Variants in PKNOX1 observed in about 807,000 individuals in gnomAD.
PKNOX1 encodes PBX/knotted 1 homeobox 1.
A neutral mutation model predicts 51.9 loss-of-function variants in PKNOX1; 15 were observed. The ratio of observed to expected loss-of-function variants is 0.29; its 90% CI spans 0.19 to 0.45. The LOEUF is 0.45. Ranked by LOEUF, PKNOX1 falls within the 20% of genes least tolerant of loss-of-function variation. The probability of loss-of-function intolerance (pLI) is 1.00; values close to 1 mark genes in which losing one functional copy is unlikely to be tolerated. For missense variants in PKNOX1, 462 were observed against 547.5 expected, an observed-to-expected ratio of 0.84 and a Z score of 1.56; for synonymous variants, 219 against 211.1, an observed-to-expected ratio of 1.04 and a Z score of -0.32.
intron 1 of PKNOX1, among the ~76,000 whole-genome samples, chr21:42,993,659 GT>G (rs1396808385): frequency 4.0e-4 from 5 of 12,572 alleles, no homozygotes; most frequent in South Asian, 3.3e-3. Context: ...TGTTTTTTTT[GT>G]TTTTTTTTTT....
intron 5 of PKNOX1, among the ~76,000 whole-genome samples, chr21:43,014,551 T>C (rs1979402951): frequency 6.6e-6 from 1 of 152,214 alleles, no homozygotes; most frequent in South Asian, 2.1e-4. Flanking sequence ...ATCATTCTTT[T>C]GGTGTCAAGT....
intron 1 of PKNOX1, among the ~76,000 whole-genome samples, chr21:42,994,031 C>CT (rs34173115): frequency 3.8e-4 from 35 of 93,260 alleles, no homozygotes; most frequent in East Asian, 1.9e-3. Flanking sequence ...CGCGCCCAGC[C>CT]TTTTTTTTTT....
intron 1 of PKNOX1, among the ~76,000 whole-genome samples, chr21:42,995,161 G>A (rs9974918): frequency 0.91 from 137,814 of 151,952 alleles, 62,648 homozygotes; most frequent in African/African-American, 0.94. Flanking sequence ...ACCTCAGGTA[G>A]TCCACCTGCC....
chr21:43,024,424 A>G (rs1979900972), intron 8 of PKNOX1: 1 of 153,780 alleles, frequency 6.5e-6, no homozygotes, highest in African/African-American at 2.4e-5. Context: ...GGTAATTGAA[A>G]TGTGCTGTGT....
At chr21:42,986,419 T>A (rs1327514432) in intron 1 of PKNOX1, among the ~76,000 whole-genome samples, 1 of 152,140 alleles carries the variant, frequency 6.6e-6, no homozygotes, top group Non-Finnish European at 1.5e-5. Flanking sequence ...GAGAATCCCT[T>A]GAACCTGGGT....
intron 1 of PKNOX1, among the ~76,000 whole-genome samples, chr21:43,002,163 G>A (rs234766): frequency 0.9 from 136,625 of 152,030 alleles, 61,518 homozygotes; most frequent in African/African-American, 0.91. Context: ...AGTTAGACGT[G>A]TCTTTTTGGA....
chr21:43,028,045 A>C (rs1358193142), intron 9 of PKNOX1, among the ~76,000 whole-genome samples: 6 of 152,204 alleles, frequency 3.9e-5, no homozygotes. Context: ...CGGGGATTTC[A>C]TCACTGCTGG....
chr21:42,987,488 G>GA (rs1183250887), intron 1 of PKNOX1, among the ~76,000 whole-genome samples: 15 of 147,092 alleles, frequency 1.0e-4, no homozygotes, highest in Admixed American at 9.0e-4. Context: ...AGTCTAGTAA[G>GA]ATTTTTTAAA....
At chr21:42,992,691 T>C (rs2059093271) in intron 1 of PKNOX1, among the ~76,000 whole-genome samples, 1 of 151,956 alleles carries the variant, frequency 6.6e-6, no homozygotes, top group Admixed American at 6.6e-5. Context: ...GGACCTGGGC[T>C]TCTTCACAGA....
At chr21:43,025,628 G>C (rs917551438) in intron 9 of PKNOX1, among the ~76,000 whole-genome samples, 1 of 152,234 alleles carries the variant, frequency 6.6e-6, no homozygotes, top group African/African-American at 2.4e-5. Flanking sequence ...TGGCACTGAA[G>C]TGGGGGGTGG....
At chr21:43,001,690 G>A (rs2146258129) in intron 1 of PKNOX1, among the ~76,000 whole-genome samples, 1 of 152,230 alleles carries the variant, frequency 6.6e-6, no homozygotes, top group Middle Eastern at 3.4e-3. Flanking sequence ...GCCGGGCTCA[G>A]TGGCTCATGG....
At position 43,006,926 on chromosome 21, in the gene PKNOX1, A is replaced by G. The variant is rs1424368974; in HGVS notation, c.52-565A>G. Among the ~76,000 whole-genome samples, 7 of 152,242 alleles carry G rather than the reference A, an allele frequency of 4.6e-5. 1 individual carries two copies. In the East Asian group the frequency reaches 1.3e-3, roughly 29 times the overall value. On this transcript the variant is annotated intron_variant, in intron 2 of 10. Coordinates refer to ENST00000291547, the MANE Select transcript of PKNOX1 (RefSeq NM_004571.5). Reference sequence around the variant, plus strand: ...TAAATGTTTTTTACCTAAATGACAAAGGCATTGCTTGTTTAAAGCAGTTTA... The same window carrying G: ...TAAATGTTTTTTACCTAAATGACAAGGGCATTGCTTGTTTAAAGCAGTTTA...
chr21:42,986,925 AG>A (rs1433408994), intron 1 of PKNOX1, among the ~76,000 whole-genome samples: 1 of 152,102 alleles, frequency 6.6e-6, no homozygotes, highest in Non-Finnish European at 1.5e-5. Flanking sequence ...AGCAGCTAGG[AG>A]GTGGCACTCT....
At chr21:43,018,096 T>G in intron 6 of PKNOX1, 37 bp from the exon 7 acceptor site, 1 of 1,069,102 alleles carries the variant, frequency 9.4e-7, no homozygotes, top group Non-Finnish European at 1.4e-6. Context: ...TCATTGAGAC[T>G]TAAAAGCAGC....
At chr21:42,999,116 C>G (rs1467235838) in intron 1 of PKNOX1, among the ~76,000 whole-genome samples, 1 of 152,238 alleles carries the variant, frequency 6.6e-6, no homozygotes, top group South Asian at 2.1e-4. Context: ...GGTTCCCAAA[C>G]CTCAATTCTT....
At chr21:43,028,615 C>A in intron 9 of PKNOX1, 87 bp from the exon 10 acceptor site, 1 of 1,218,374 alleles carries the variant, frequency 8.2e-7, no homozygotes, top group Non-Finnish European at 1.2e-6. Context: ...CTTCGTAGAG[C>A]AGCGTGTTTG....
Position 43,030,322 on chromosome 21 carries a change from G to A in PKNOX1, c.*221G>A, listed in dbSNP as rs1372067710. 2.6e-6 allele frequency: 1 copy of A among 388,858 alleles called. No individual in the cohort carries two copies. Among genetic ancestry groups the A allele is most frequent in the Non-Finnish European group, 4.6e-6 (1 of 217,714 alleles). The allele number at this position is 388,858 out of a possible 1,614,324, so 24.1% of individuals were successfully genotyped here. A position where few individuals can be genotyped will look rare whatever the true frequency, so the allele number is the denominator to read the frequency against. On this transcript the variant is annotated 3_prime_UTR_variant, in exon 11 of 11. Transcript: ENST00000291547. The stretch of plus-strand genomic sequence containing the variant: ...GTGTGCGTGTGTGTGGATTTTTAAA[G>A]AAATTCTTTAAAGGTTTAACGCTAG...
chr21:43,018,763 C>T (rs1382689436), intron 7 of PKNOX1, among the ~76,000 whole-genome samples: 3 of 151,970 alleles, frequency 2.0e-5, no homozygotes, highest in African/African-American at 7.3e-5. Flanking sequence ...TGAGCCTTGC[C>T]CGTCTTTGGT....
Position 43,030,226 on chromosome 21 carries a change from A to C in PKNOX1, c.*125A>C. On this transcript the variant is annotated 3_prime_UTR_variant, in exon 11 of 11. Coordinates refer to ENST00000291547, the MANE Select transcript of PKNOX1 (RefSeq NM_004571.5). Reference sequence around the variant, plus strand: ...ACTTTTGTATTTCATAGTAAGCTTAAAGCGCGTCTTTGCCGGTGCAGCGAC... The same window carrying C: ...ACTTTTGTATTTCATAGTAAGCTTACAGCGCGTCTTTGCCGGTGCAGCGAC... The C allele has an allele frequency of 5.3e-6, 4 of 753,026 alleles. No individual in the cohort carries two copies. Among genetic ancestry groups the C allele is most frequent in the Non-Finnish European group, 8.4e-6 (4 of 477,500 alleles). 46.6% of individuals were successfully genotyped at this position (753,026 alleles called of 1,614,324 possible). A position where few individuals can be genotyped will look rare whatever the true frequency, so the allele number is the denominator to read the frequency against.
Sources: gnomAD v4.1 joint callset for allele counts (sites outside exome capture counted in the v4.1 genomes callset) on GRCh38, gnomAD v4.1.1 for gene constraint, MANE v1.5 for transcripts, NCBI Gene and HGNC (gene_info 2026-07-23, HGNC 2026-07-21) for gene names.